NARS2: variants seen among roughly 807,000 people sequenced by gnomAD.
The protein encoded by NARS2 is asparaginyl-tRNA synthetase.
NARS2 carries 60 observed loss-of-function variants against 62.9 expected under a neutral mutation model. That is an observed-to-expected ratio of 0.95 (90% CI 0.77 to 1.18). The LOEUF (loss-of-function observed/expected upper bound fraction) is 1.18. Ranked by LOEUF, NARS2 falls within the 50% of genes most tolerant of loss-of-function variation. The probability of loss-of-function intolerance (pLI) is 0.00; values close to 1 mark genes in which losing one functional copy is unlikely to be tolerated. For missense variants in NARS2, 619 were observed against 576.4 expected (o/e 1.07, Z -0.76); for synonymous variants, 196 against 200.0 (o/e 0.98, Z 0.17).
chr11:78,465,764 T>C, intron 11 of NARS2, 112 bp downstream of exon 11: 1 of 1,230,386 alleles, frequency 8.1e-7, no homozygotes, highest in Non-Finnish European at 1.1e-6. Flanking sequence ...TGAAAAACAT[T>C]ATCATTTTAA....
intron 5 of NARS2, among the ~76,000 whole-genome samples, chr11:78,532,278 A>G (rs1221432070): frequency 6.6e-6 from 1 of 152,216 alleles, no homozygotes; most frequent in Non-Finnish European, 1.5e-5. Flanking sequence ...ATGAATTTAT[A>G]TATGTTAAAA....
rs142342479 is a variant in NARS2 at position 78,574,755 on chromosome 11, G to C, written c.-267C>G. 1,620 of 447,184 alleles carry C rather than the reference G, an allele frequency of 3.6e-3. 23 individuals are homozygous for C. The highest frequency in any genetic ancestry group is 0.03 in the African/African-American group (1,467 of 49,430). The allele number at this position is 447,184 out of a possible 1,614,324, so 27.7% of individuals were successfully genotyped here. A position where few individuals can be genotyped will look rare whatever the true frequency, so the allele number is the denominator to read the frequency against. ...AGAAACCACGTGCAGTTGGCAGCTG[G>C]GGCGCCCCACTACCCGCGACAATTG... On this transcript the variant is annotated 5_prime_UTR_variant, in exon 1 of 14. Transcript: ENST00000281038.
intron 11 of NARS2, among the ~76,000 whole-genome samples, chr11:78,465,028 C>A (rs189066296): frequency 0.016 from 2,453 of 152,294 alleles, 57 homozygotes; most frequent in African/African-American, 0.056. Flanking sequence ...GGGGGCGGCG[C>A]TCGTCAGGGA....
intron 6 of NARS2, among the ~76,000 whole-genome samples, chr11:78,493,536 T>C (rs1368161406): frequency 1.3e-5 from 2 of 152,080 alleles, no homozygotes; most frequent in Non-Finnish European, 2.9e-5. Context: ...CCTGTGCCTA[T>C]AGGTCCAGCT....
At chr11:78,521,861 G>A (rs1351424122) in intron 6 of NARS2, among the ~76,000 whole-genome samples, 1 of 150,248 alleles carries the variant, frequency 6.7e-6, no homozygotes, top group Non-Finnish European at 1.5e-5. Flanking sequence ...GCAGATCACA[G>A]TTCAGAATTC....
Position 78,493,210 on chromosome 11 carries a change from T to C in NARS2, c.690-15A>G, listed in dbSNP as rs764842313. The C allele has an allele frequency of 8.1e-6, 13 of 1,604,992 alleles. No individual in the cohort carries two copies. The East Asian group carries it at 2.7e-4, about 33-fold the overall frequency. ...GAGTAAAAGCTCTGCAATTCAAGAT[T>C]AAGAGAATGCAAATAGAATTCACAT... On this transcript the variant is annotated splice_polypyrimidine_tract_variant and intron_variant, in intron 6 of 13. Coordinates refer to ENST00000281038, the MANE Select transcript of NARS2 (RefSeq NM_024678.6).
intron 6 of NARS2, among the ~76,000 whole-genome samples, chr11:78,508,000 C>T (rs894483720): frequency 2.6e-5 from 4 of 151,774 alleles, no homozygotes; most frequent in Non-Finnish European, 5.9e-5. Flanking sequence ...TGGAAAAAGT[C>T]AAGAAAATGA....
chr11:78,516,406 T>C (rs1262829393), intron 6 of NARS2, among the ~76,000 whole-genome samples: 1 of 152,240 alleles, frequency 6.6e-6, no homozygotes, highest in Non-Finnish European at 1.5e-5. Context: ...TGCACTTCCG[T>C]GTAATCACTC....
At chr11:78,489,988 A>G (rs1333366234) in intron 7 of NARS2, among the ~76,000 whole-genome samples, 1 of 152,170 alleles carries the variant, frequency 6.6e-6, no homozygotes, top group Non-Finnish European at 1.5e-5. Flanking sequence ...GAAGTGAGCT[A>G]TGACTGCACC....
At position 78,495,471 on chromosome 11, in the gene NARS2, T is replaced by C. The variant is rs956390592; in HGVS notation, c.690-2276A>G. On this transcript the variant is annotated intron_variant, in intron 6 of 13. Transcript: ENST00000281038. ...CTATAACACTTTTTCATATTTATTA[T>C]ATAGAACATATCACTTTGAAATGTA... Among the ~76,000 whole-genome samples the C allele has an allele frequency of 3.3e-5, 5 of 152,330 alleles. 1 individual carries two copies. Among genetic ancestry groups the C allele is most frequent in the Admixed American group, 3.3e-4 (5 of 15,302 alleles).
chr11:78,487,528 C>T (rs534906647), intron 7 of NARS2, among the ~76,000 whole-genome samples: 1 of 151,644 alleles, frequency 6.6e-6, no homozygotes, highest in Non-Finnish European at 1.5e-5. Context: ...CAAAAAAGGG[C>T]ACAGAAAAAA....
intron 5 of NARS2, among the ~76,000 whole-genome samples, chr11:78,532,179 G>T (rs1861504359): frequency 6.6e-6 from 1 of 152,098 alleles, no homozygotes; most frequent in African/African-American, 2.4e-5. Flanking sequence ...TACAATATAT[G>T]AATTAAACAC....
intron 11 of NARS2, among the ~76,000 whole-genome samples, chr11:78,458,739 C>T (rs7935180): frequency 0.22 from 34,177 of 151,998 alleles, 4,176 homozygotes; most frequent in East Asian, 0.42. Context: ...AGGAATATAC[C>T]GATGAATGAA....
intron 11 of NARS2, among the ~76,000 whole-genome samples, chr11:78,462,642 T>C (rs1231317025): frequency 6.6e-6 from 1 of 152,206 alleles, no homozygotes; most frequent in East Asian, 1.9e-4. Flanking sequence ...GCTTTGGAAA[T>C]GCAATCTATC....
chr11:78,527,919 G>C (rs1691300543), intron 6 of NARS2, among the ~76,000 whole-genome samples: 1 of 152,128 alleles, frequency 6.6e-6, no homozygotes, highest in Non-Finnish European at 1.5e-5. Context: ...GACCAGCCTA[G>C]GACACATGGT....
intron 6 of NARS2, among the ~76,000 whole-genome samples, chr11:78,498,080 T>G (rs1860133841): frequency 6.6e-6 from 1 of 152,094 alleles, no homozygotes; most frequent in Admixed American, 6.6e-5. Flanking sequence ...GAAAAGAACA[T>G]TCTAGCAAAG....
intron 6 of NARS2, among the ~76,000 whole-genome samples, chr11:78,517,197 A>G (rs181507953): frequency 6.8e-6 from 1 of 146,686 alleles, no homozygotes; most frequent in African/African-American, 2.7e-5. Flanking sequence ...GAAAGGATTC[A>G]AAGGGTATGG....
rs762638164 is a variant in NARS2 at position 78,443,727 on chromosome 11, A to C, written c.1196T>G (p.Val399Gly). The C allele has an allele frequency of 6.8e-6, 11 of 1,613,666 alleles. No individual in the cohort carries two copies. The East Asian group carries it at 1.6e-4, about 23-fold the overall frequency. The change falls in exon 12 of 14, where the codon GTT becomes GGT. Residue 399 changes from valine (V) to glycine (G), a missense_variant. By Grantham distance (109) the Val-to-Gly change is moderately radical. Coordinates refer to ENST00000281038, the MANE Select transcript of NARS2 (RefSeq NM_024678.6). Reference sequence around the variant, plus strand: ...GAGGCCTCCTCCAAAGAGTTCCCCAACTCCAGGAACCAGAAGATCAACAGC... The same window carrying C: ...GAGGCCTCCTCCAAAGAGTTCCCCACCTCCAGGAACCAGAAGATCAACAGC... The part of the protein sequence containing the change: ...VAAVDLLVPG[V>G]GELFGGGLRE...
At chr11:78,467,514 G>A (rs1858669819) in intron 10 of NARS2, among the ~76,000 whole-genome samples, 1 of 151,374 alleles carries the variant, frequency 6.6e-6, no homozygotes, top group Non-Finnish European at 1.5e-5. Flanking sequence ...CTCCAGCCTC[G>A]GCAACACAGA....
Sources: gnomAD v4.1 joint callset for allele counts (sites outside exome capture counted in the v4.1 genomes callset) on GRCh38, gnomAD v4.1.1 for gene constraint, MANE v1.5 for transcripts, NCBI Gene and HGNC (gene_info 2026-07-23, HGNC 2026-07-21) for gene names.